Variants in PPHLN1 observed in about 807,000 individuals in gnomAD.
PPHLN1 encodes periphilin 1, also known as periphilin-1.
PPHLN1 carries 29 observed loss-of-function variants against 51.3 expected under a neutral mutation model. That is an observed-to-expected ratio of 0.57 (90% confidence interval 0.42 to 0.77). The LOEUF is 0.77. Among genes scored for constraint, PPHLN1 ranks in the 30% least tolerant of loss-of-function variants. The pLI is 0.00. For missense variants in PPHLN1, 436 were observed against 438.4 expected (o/e 0.99, Z 0.05); for synonymous variants, 147 against 147.8 (o/e 0.99, Z 0.04).
chr12:42,446,841 C>G (rs191370730), downstream of PPHLN1: 28 of 463,260 alleles, frequency 6.0e-5, no homozygotes, highest in Non-Finnish European at 8.3e-5. Flanking sequence ...AGGCTGAGGG[C>G]GAACAGTAGG....
chr12:42,439,546 G>A (rs1000094174), intron 9 of PPHLN1, among the ~76,000 whole-genome samples: 28 of 152,260 alleles, frequency 1.8e-4, no homozygotes, highest in African/African-American at 5.5e-4. Flanking sequence ...ACAAGGTCTC[G>A]CTCTGTCACC....
intron 1 of PPHLN1, among the ~76,000 whole-genome samples, chr12:42,327,617 A>G (rs2069004622): frequency 2.0e-5 from 3 of 152,262 alleles, no homozygotes; most frequent in Admixed American, 6.5e-5. Flanking sequence ...TATTTTTGCT[A>G]TGTACTCTTA....
intron 1 of PPHLN1, among the ~76,000 whole-genome samples, chr12:42,332,351 C>T (rs1001780881): frequency 6.6e-6 from 1 of 152,084 alleles, no homozygotes; most frequent in Admixed American, 6.6e-5. Context: ...ACAATAACAG[C>T]TAAAAACAAC....
intron 5 of PPHLN1, among the ~76,000 whole-genome samples, chr12:42,380,460 CTG>C (rs1336950862): frequency 3.3e-5 from 5 of 152,034 alleles, no homozygotes; most frequent in Admixed American, 2.6e-4. Context: ...TCTAAGAGAA[CTG>C]AAAGTGTACA....
downstream of PPHLN1, chr12:42,442,606 G>T (rs547257866): frequency 1.9e-6 from 3 of 1,613,030 alleles, no homozygotes; most frequent in African/African-American, 4.0e-5. Flanking sequence ...AAATACCTGC[G>T]TCTGAATACT....
chr12:42,417,116 T>C (rs79086668), intron 9 of PPHLN1, among the ~76,000 whole-genome samples: 1 of 152,304 alleles, frequency 6.6e-6, no homozygotes, highest in East Asian at 1.9e-4. Context: ...GAAGAATAAG[T>C]GCATGAGAGT....
intron 4 of PPHLN1, among the ~76,000 whole-genome samples, chr12:42,358,329 A>G (rs1383367226): frequency 6.6e-6 from 1 of 152,168 alleles, no homozygotes; most frequent in African/African-American, 2.4e-5. Context: ...ACATCTTGGT[A>G]TAAGTTCTTC....
chr12:42,445,967 C>T (rs1031945525), downstream of PPHLN1: 6 of 1,494,274 alleles, frequency 4.0e-6, no homozygotes, highest in Non-Finnish European at 5.4e-6. Flanking sequence ...GTTCACATCC[C>T]CTCAGGCCCT....
At chr12:42,375,140 A>G (rs1156427870) in intron 5 of PPHLN1, 66 bp downstream of exon 5, 5 of 1,247,202 alleles carry the variant, frequency 4.0e-6, no homozygotes, top group Non-Finnish European at 5.6e-6. Flanking sequence ...ACTGAGTCAG[A>G]TTTCCTTCTA....
intron 4 of PPHLN1, among the ~76,000 whole-genome samples, chr12:42,360,902 A>G (rs2074604842): frequency 6.6e-6 from 1 of 152,072 alleles, no homozygotes; most frequent in Non-Finnish European, 1.5e-5. Flanking sequence ...CTTTACTGTT[A>G]AGTTGTCCTT....
At chr12:42,400,916 AC>A (rs1397210699) in intron 9 of PPHLN1, among the ~76,000 whole-genome samples, 3 of 152,078 alleles carry the variant, frequency 2.0e-5, no homozygotes, top group African/African-American at 7.2e-5. Flanking sequence ...ATAGATATTT[AC>A]ATCTGTTGTG....
intron 9 of PPHLN1, among the ~76,000 whole-genome samples, chr12:42,408,399 A>G (rs1435502611): frequency 6.6e-6 from 1 of 150,460 alleles, no homozygotes; most frequent in East Asian, 1.9e-4. Flanking sequence ...TTTTAACATT[A>G]CTTTTAATGG....
intron 5 of PPHLN1, among the ~76,000 whole-genome samples, chr12:42,382,512 T>G (rs189337985): frequency 1.6e-4 from 24 of 152,254 alleles, no homozygotes; most frequent in African/African-American, 5.8e-4. Flanking sequence ...AGGTAGTGTC[T>G]GCTTACAAAG....
At chr12:42,398,153 A>T (rs536485800) in intron 8 of PPHLN1, among the ~76,000 whole-genome samples, 63 of 152,292 alleles carry the variant, frequency 4.1e-4, no homozygotes, top group African/African-American at 1.4e-3. Context: ...ATGTATTCCA[A>T]TACTTAATCT....
chr12:42,420,323 CT>C (rs35538932), intron 9 of PPHLN1, among the ~76,000 whole-genome samples: 8,926 of 149,640 alleles, frequency 0.06, 293 homozygotes, highest in Admixed American at 0.078. Context: ...TGTGTGTATA[CT>C]TTTTTTTTTG....
At chr12:42,387,706 G>A (rs1477112206) in intron 7 of PPHLN1, among the ~76,000 whole-genome samples, 171 bp downstream of exon 7, 1 of 152,134 alleles carries the variant, frequency 6.6e-6, no homozygotes, top group Non-Finnish European at 1.5e-5. Context: ...CCAGGACTTT[G>A]AGAGACTGAG....
chr12:42,378,996 C>T (rs921121631), intron 5 of PPHLN1, among the ~76,000 whole-genome samples: 5 of 148,518 alleles, frequency 3.4e-5, no homozygotes, highest in Admixed American at 2.7e-4. Context: ...TATTATGATA[C>T]TTTCCTAGGT....
At chr12:42,424,811 G>A (rs144125767) in intron 9 of PPHLN1, among the ~76,000 whole-genome samples, 15 of 152,190 alleles carry the variant, frequency 9.9e-5, no homozygotes, top group African/African-American at 2.9e-4. Context: ...GAAAAGTCAC[G>A]ATACCTGGAT....
chr12:42,429,246 A>C (rs139254286), intron 9 of PPHLN1, among the ~76,000 whole-genome samples: 1 of 152,224 alleles, frequency 6.6e-6, no homozygotes, highest in Non-Finnish European at 1.5e-5. Flanking sequence ...TCACTGAGCA[A>C]TGAATACATT....
Sources: gnomAD v4.1 joint callset for allele counts (sites outside exome capture counted in the v4.1 genomes callset) on GRCh38, gnomAD v4.1.1 for gene constraint, MANE v1.5 for transcripts, NCBI Gene and HGNC (gene_info 2026-07-23, HGNC 2026-07-21) for gene names.